UBTD2: variants seen among roughly 807,000 people sequenced by gnomAD.
UBTD2 encodes the protein ubiquitin domain-containing protein 2.
UBTD2 carries 9 observed loss-of-function variants against 19.8 expected under a neutral mutation model. The ratio of observed to expected loss-of-function variants is 0.46; its 90% CI spans 0.27 to 0.79. UBTD2 has a LOEUF of 0.79. UBTD2 is among the 30% of genes least tolerant of loss of function. The pLI is 0.14. For missense variants in UBTD2, 250 were observed against 300.4 expected, an observed-to-expected ratio of 0.83 and a Z score of 1.24; for synonymous variants, 98 against 103.9, an observed-to-expected ratio of 0.94 and a Z score of 0.35.
intron 1 of UBTD2, among the ~76,000 whole-genome samples, chr5:172,281,634 A>ATT (rs147387390): frequency 0.33 from 49,554 of 151,798 alleles, 8,193 homozygotes; most frequent in South Asian, 0.42. Flanking sequence ...TTAAGCAATA[A>ATT]TTTTTTTTAT....
At chr5:172,232,316 T>TAAA (rs10558751) in intron 2 of UBTD2, among the ~76,000 whole-genome samples, 13 of 132,056 alleles carry the variant, frequency 9.8e-5, no homozygotes, top group African/African-American at 3.0e-4. Context: ...CTCACTGTCA[T>TAAA]AAAAAAAAAA....
chr5:172,279,055 G>C, intron 1 of UBTD2, among the ~76,000 whole-genome samples: 1 of 152,190 alleles, frequency 6.6e-6, no homozygotes, highest in East Asian at 1.9e-4. Context: ...TGCGAATGCA[G>C]GCGTAAGCCA....
intron 1 of UBTD2, among the ~76,000 whole-genome samples, chr5:172,245,309 A>C (rs1754857077): frequency 6.6e-6 from 1 of 152,152 alleles, no homozygotes; most frequent in African/African-American, 2.4e-5. Context: ...TTGGTAATGG[A>C]GATCATGGGG....
At chr5:172,239,184 A>G (rs948931007) in intron 1 of UBTD2, among the ~76,000 whole-genome samples, 4 of 152,250 alleles carry the variant, frequency 2.6e-5, no homozygotes, top group African/African-American at 9.6e-5. Context: ...TAAAGGTAGA[A>G]GAGACCTTAG....
chr5:172,283,673 C>A lies in UBTD2; in HGVS notation c.-8G>T. On this transcript the variant is annotated 5_prime_UTR_variant, in exon 1 of 3. Coordinates refer to ENST00000393792, the MANE Select transcript of UBTD2 (RefSeq NM_152277.3). This position sits in a 1 kb window ranked among gnomAD's most constrained non-coding sequence, Gnocchi z 4.3. ...GCCCACACACCCGCCCATGGGGGCC[C>A]CCGGCGCCTCGTCCGCCACCTCCGG... 8.1e-7 allele frequency: 1 copy of A among 1,235,648 alleles called. No homozygotes were observed. The highest frequency in any genetic ancestry group is 1.0e-6 in the Non-Finnish European group (1 of 986,042). 76.5% of individuals were successfully genotyped at this position (1,235,648 alleles called of 1,614,324 possible).
At chr5:172,230,626 TA>T (rs1168034276) in intron 2 of UBTD2, among the ~76,000 whole-genome samples, 1 of 152,164 alleles carries the variant, frequency 6.6e-6, no homozygotes, top group African/African-American at 2.4e-5. Context: ...CTGCAAGTAA[TA>T]CGGTAGGGAC....
At chr5:172,269,739 TAAAAAAA>T (rs376285062) in intron 1 of UBTD2, among the ~76,000 whole-genome samples, 3 of 114,262 alleles carry the variant, frequency 2.6e-5, no homozygotes, top group South Asian at 2.9e-4. Flanking sequence ...CATGTGCATG[TAAAAAAA>T]AAAAAAAAAA....
At chr5:172,228,598 G>A (rs1368933607) in intron 2 of UBTD2, among the ~76,000 whole-genome samples, 1 of 152,028 alleles carries the variant, frequency 6.6e-6, no homozygotes, top group Non-Finnish European at 1.5e-5. Context: ...CTGCACGCCT[G>A]TAATCTCAGC....
chr5:172,273,130 G>A (rs1755533042), intron 1 of UBTD2, among the ~76,000 whole-genome samples: 1 of 151,130 alleles, frequency 6.6e-6, no homozygotes, highest in African/African-American at 2.4e-5. Flanking sequence ...CAAAGAAGAG[G>A]CATTATAGAC....
In UBTD2 at chr5:172,222,707, T is replaced by C. The variant is rs1280220474; in HGVS notation, c.308-10480A>G. On this transcript the variant is annotated intron_variant, in intron 2 of 2. Coordinates refer to ENST00000393792, the MANE Select transcript of UBTD2 (RefSeq NM_152277.3). ...AATAGAAATGATACGGAAATAAGAA[T>C]AATTACAAGGTAAATAGAGAATACC... Among the ~76,000 whole-genome samples the C allele has an allele frequency of 2.0e-5, 3 of 152,252 alleles. No homozygotes were observed. In the East Asian group the frequency reaches 5.8e-4, roughly 29 times the overall value.
chr5:172,212,936 G>C (rs1032288615), intron 2 of UBTD2, among the ~76,000 whole-genome samples: 1 of 151,160 alleles, frequency 6.6e-6, no homozygotes, highest in East Asian at 2.0e-4. Flanking sequence ...AAAGAGCTAG[G>C]ATTACAGGCA....
At chr5:172,249,799 T>C (rs1754954042) in intron 1 of UBTD2, among the ~76,000 whole-genome samples, 1 of 152,196 alleles carries the variant, frequency 6.6e-6, no homozygotes, top group Admixed American at 6.5e-5. Flanking sequence ...GTCACATTAA[T>C]AGAATTAAGG....
chr5:172,254,392 C>G, intron 1 of UBTD2: 1 of 330,528 alleles, frequency 3.0e-6, no homozygotes, highest in Non-Finnish European at 5.7e-6. Context: ...CCACTGCGCC[C>G]GGCCTCCATG....
rs74626173 is a variant in UBTD2, at chr5:172,247,105, G to T, written c.71-12747C>A. Reference sequence around the variant, plus strand: ...TACATGCTATCTACAAGAAATCCCTGTAAGTATGTTAACATAGAGAAGGTA... The same window carrying T: ...TACATGCTATCTACAAGAAATCCCTTTAAGTATGTTAACATAGAGAAGGTA... On this transcript the variant is annotated intron_variant, in intron 1 of 2. Transcript: ENST00000393792. Among the ~76,000 whole-genome samples, 1,429 of 152,036 alleles carry T rather than the reference G, an allele frequency of 9.4e-3. 13 individuals are homozygous for T. Among genetic ancestry groups the T allele is most frequent in the African/African-American group, 0.033 (1,364 of 41,464 alleles).
At chr5:172,236,993 G>A (rs753958708) in intron 1 of UBTD2, among the ~76,000 whole-genome samples, 3 of 152,188 alleles carry the variant, frequency 2.0e-5, no homozygotes, top group Non-Finnish European at 2.9e-5. Context: ...ACCTCTCTCC[G>A]TTTGTACTAA....
At chr5:172,230,586 A>C (rs531360271) in intron 2 of UBTD2, among the ~76,000 whole-genome samples, 1 of 152,226 alleles carries the variant, frequency 6.6e-6, no homozygotes, top group Non-Finnish European at 1.5e-5. Flanking sequence ...TGAAGCTTAC[A>C]GAAGATGTGA....
At chr5:172,222,240 T>C (rs1160940002) in intron 2 of UBTD2, among the ~76,000 whole-genome samples, 1 of 152,128 alleles carries the variant, frequency 6.6e-6, no homozygotes, top group Non-Finnish European at 1.5e-5. Context: ...AACAACATAA[T>C]CCCAATCCTC....
intron 1 of UBTD2, among the ~76,000 whole-genome samples, chr5:172,251,465 C>CAAAAAAAAAAAAAAAAAAAAAAAAAA (rs59810255): frequency 1.1e-5 from 1 of 91,956 alleles, no homozygotes; most frequent in Admixed American, 1.2e-4. Context: ...TCAAACTGTC[C>CAAAAAAAAAAAAAAAAAAAAAAAAAA]AAAAAAAAAA....
chr5:172,258,855 T>C (rs2113091310), intron 1 of UBTD2, among the ~76,000 whole-genome samples: 1 of 152,274 alleles, frequency 6.6e-6, no homozygotes, highest in South Asian at 2.1e-4. Flanking sequence ...TTGGGCAGAC[T>C]AGGGGGTTTT....
Sources: gnomAD v4.1 joint callset for allele counts (sites outside exome capture counted in the v4.1 genomes callset) on GRCh38, gnomAD v4.1.1 for gene constraint, Gnocchi (gnomAD v3.1) non-coding constraint, MANE v1.5 for transcripts, NCBI Gene and HGNC (gene_info 2026-07-23, HGNC 2026-07-21) for gene names.